Variants in NRG3 observed in about 807,000 individuals in gnomAD.
The protein encoded by NRG3 is pro-neuregulin-3, membrane-bound isoform.
Under a neutral mutation model 66.9 loss-of-function variants are expected in NRG3, and 31 were observed. The observed-to-expected ratio is 0.46, with a 90% CI of 0.35 to 0.63. The LOEUF is 0.63. NRG3 is among the 20% of genes least tolerant of loss of function. NRG3 has a pLI of 0.00. For missense variants in NRG3, 910 were observed against 878.9 expected (o/e 1.04, Z -0.45); for synonymous variants, 393 against 359.4 (o/e 1.09, Z -1.06).
intron 2 of NRG3, among the ~76,000 whole-genome samples, chr10:82,530,511 C>A (rs1847143856): frequency 6.6e-6 from 1 of 151,860 alleles, no homozygotes; most frequent in South Asian, 2.1e-4. Flanking sequence ...AAATACTTGG[C>A]AAATCAATGT....
chr10:82,774,782 C>A (rs960112364), intron 3 of NRG3, among the ~76,000 whole-genome samples: 3 of 141,108 alleles, frequency 2.1e-5, no homozygotes, highest in African/African-American at 8.1e-5. Context: ...ATGTTCTGAT[C>A]CTTTTTATTC....
At chr10:82,878,901 C>G (rs1842058396) in intron 4 of NRG3, among the ~76,000 whole-genome samples, 1 of 152,202 alleles carries the variant, frequency 6.6e-6, no homozygotes, top group Non-Finnish European at 1.5e-5. Flanking sequence ...CTGACCACTC[C>G]TACCACGTTA....
intron 2 of NRG3, among the ~76,000 whole-genome samples, chr10:82,721,947 G>GAA (rs537584553): frequency 4.6e-5 from 5 of 108,970 alleles, no homozygotes; most frequent in Admixed American, 9.8e-5. Flanking sequence ...TTTGTTACAA[G>GAA]AAAAAAAAAA....
intron 3 of NRG3, among the ~76,000 whole-genome samples, chr10:82,849,850 G>A (rs963664959): frequency 2.8e-4 from 43 of 152,126 alleles, no homozygotes; most frequent in African/African-American, 1.0e-3. Context: ...AGATTCTGAT[G>A]GTGACTTTGG....
At chr10:82,923,937 A>G (rs1022872201) in intron 4 of NRG3, among the ~76,000 whole-genome samples, 1 of 151,924 alleles carries the variant, frequency 6.6e-6, no homozygotes, top group Non-Finnish European at 1.5e-5. Context: ...TCTCTACTAA[A>G]AAATACAAAA....
chr10:82,900,135 A>T (rs1355856598), intron 4 of NRG3, among the ~76,000 whole-genome samples: 1 of 152,042 alleles, frequency 6.6e-6, no homozygotes, highest in Non-Finnish European at 1.5e-5. Context: ...TTTAAAAGAG[A>T]TCTCATGAGA....
At chr10:81,911,896 T>C (rs912830527) in intron 1 of NRG3, among the ~76,000 whole-genome samples, 9 of 152,106 alleles carry the variant, frequency 5.9e-5, no homozygotes, top group African/African-American at 1.9e-4. Flanking sequence ...AATGTTTTCT[T>C]ACAAAAAATA....
intron 1 of NRG3, among the ~76,000 whole-genome samples, chr10:82,217,700 G>T (rs1387573026): frequency 6.7e-6 from 1 of 149,728 alleles, no homozygotes; most frequent in East Asian, 1.9e-4. Flanking sequence ...TTCAAAAGCA[G>T]TATGGCCTGT....
At chr10:82,513,606 C>T (rs1220841478) in intron 2 of NRG3, among the ~76,000 whole-genome samples, 1 of 152,080 alleles carries the variant, frequency 6.6e-6, no homozygotes, top group African/African-American at 2.4e-5. Flanking sequence ...CATGGCGAAA[C>T]CCTGTTTCTA....
intron 1 of NRG3, among the ~76,000 whole-genome samples, chr10:82,145,976 G>A (rs1232401981): frequency 6.6e-6 from 1 of 152,166 alleles, no homozygotes; most frequent in Non-Finnish European, 1.5e-5. Context: ...CTGATGCCTA[G>A]TTGTTGAGGT....
chr10:82,143,032 G>A (rs1469094325), intron 1 of NRG3, among the ~76,000 whole-genome samples: 1 of 149,990 alleles, frequency 6.7e-6, no homozygotes, highest in Non-Finnish European at 1.5e-5. Flanking sequence ...GCCTCTGAAA[G>A]TGCTGGGATT....
intron 2 of NRG3, among the ~76,000 whole-genome samples, chr10:82,486,134 G>A (rs1442909745): frequency 6.6e-6 from 1 of 152,058 alleles, no homozygotes; most frequent in African/African-American, 2.4e-5. Context: ...CATTATCAAA[G>A]AAACAAACTA....
intron 1 of NRG3, among the ~76,000 whole-genome samples, chr10:82,312,209 C>T (rs10884515): frequency 0.24 from 36,752 of 151,826 alleles, 4,795 homozygotes; most frequent in East Asian, 0.35. Context: ...ACACAGGAAA[C>T]GATCAAAAGA....
rs1343755236 is a variant in NRG3, at chr10:82,369,445, C to T, written c.953+10577C>T. Among the ~76,000 whole-genome samples the T allele has an allele frequency of 1.5e-5, 2 of 137,828 alleles. 1 individual carries two copies. Among genetic ancestry groups the T allele is most frequent in the Non-Finnish European group, 3.0e-5 (2 of 67,412 alleles). 90.4% of individuals were successfully genotyped at this position (137,828 alleles called of 152,430 possible). A position where few individuals can be genotyped will look rare whatever the true frequency, so the allele number is the denominator to read the frequency against. On this transcript the variant is annotated intron_variant, in intron 2 of 8. Coordinates refer to ENST00000372141, the MANE Select transcript of NRG3 (RefSeq NM_001010848.4). ...TCCCAAGTCACTGGGACTACAAGTG[C>T]ACACCATCATGCCTGGCTAATTTTT...
intron 1 of NRG3, among the ~76,000 whole-genome samples, chr10:82,124,821 C>G (rs1221451823): frequency 6.6e-6 from 1 of 151,816 alleles, no homozygotes; most frequent in Non-Finnish European, 1.5e-5. Flanking sequence ...TTTCTTTCAG[C>G]CTTGTGTCAT....
chr10:82,788,641 A>G (rs2060466623), intron 3 of NRG3, among the ~76,000 whole-genome samples: 1 of 152,200 alleles, frequency 6.6e-6, no homozygotes, highest in Non-Finnish European at 1.5e-5. Flanking sequence ...ACAAAGGAGA[A>G]AATAAGATAT....
At chr10:82,390,737 C>T (rs540231441) in intron 2 of NRG3, among the ~76,000 whole-genome samples, 1 of 152,256 alleles carries the variant, frequency 6.6e-6, no homozygotes, top group Admixed American at 6.5e-5. Context: ...TCATCTACTT[C>T]TCTGCAGAAG....
chr10:82,537,972 T>C (rs1412925442), intron 2 of NRG3, among the ~76,000 whole-genome samples: 1 of 152,174 alleles, frequency 6.6e-6, no homozygotes. Flanking sequence ...GTTGGCAGTG[T>C]TGTTAATATG....
intron 1 of NRG3, among the ~76,000 whole-genome samples, chr10:82,119,491 G>A (rs2067946393): frequency 6.6e-6 from 1 of 152,102 alleles, no homozygotes; most frequent in Non-Finnish European, 1.5e-5. Flanking sequence ...ATAAATGGAG[G>A]CATGAAAAAT....
Sources: allele counts gnomAD v4.1 joint callset (sites outside exome capture counted in the v4.1 genomes callset), GRCh38; gene constraint gnomAD v4.1.1; transcripts MANE v1.5; gene names NCBI Gene and HGNC (gene_info 2026-07-23, HGNC 2026-07-21).